The following XPR1 variants were observed in gnomAD, a reference collection of about 807,000 sequenced individuals.
XPR1 encodes the protein solute carrier family 53 member 1.
A neutral mutation model predicts 87.5 loss-of-function variants in XPR1; 28 were observed. The observed-to-expected ratio is 0.32, with a 90% confidence interval of 0.24 to 0.44. The LOEUF (loss-of-function observed/expected upper bound fraction) is 0.44. Among genes scored for constraint, XPR1 ranks in the 20% least tolerant of loss-of-function variants. The pLI, the probability that XPR1 is intolerant of heterozygous loss-of-function variation, is 1.00. For synonymous variants in XPR1, 300 were observed against 306.1 expected (o/e 0.98, Z 0.21); for missense variants, 559 against 862.3 (o/e 0.65, Z 4.41).
intron 9 of XPR1, among the ~76,000 whole-genome samples, chr1:180,829,285 C>T (rs1486147522): frequency 1.3e-5 from 2 of 152,066 alleles, no homozygotes; most frequent in Admixed American, 6.6e-5. Flanking sequence ...GGTAAAATAT[C>T]AGCTATCCAG....
chr1:180,886,812 G>C lies in XPR1; in HGVS notation c.*2746G>C, dbSNP rs74133647. 3.3e-5 allele frequency: 5 copies of C among 152,136 alleles called. No individual in the cohort carries two copies. The highest frequency in any genetic ancestry group is 1.2e-4 in the African/African-American group (5 of 41,424). The allele number at this position is 152,136 out of a possible 1,614,324, so 9.4% of individuals were successfully genotyped here. A position where few individuals can be genotyped will look rare whatever the true frequency, so the allele number is the denominator to read the frequency against. ...AAATTTTATATGCCCTAGCAGTTGC[G>C]AATGTTGTGTCCACCTTACAATTTG... On this transcript the variant is annotated 3_prime_UTR_variant, in exon 15 of 15. Transcript: ENST00000367590.
chr1:180,687,094 A>G (rs1224252947), intron 2 of XPR1, among the ~76,000 whole-genome samples: 2 of 152,174 alleles, frequency 1.3e-5, no homozygotes, highest in Non-Finnish European at 2.9e-5. Flanking sequence ...TATTTTTAAA[A>G]TATAAGAAAA....
chr1:180,884,374 A>T lies in XPR1; in HGVS notation c.*308A>T, dbSNP rs923763769. On this transcript the variant is annotated 3_prime_UTR_variant, in exon 15 of 15. Coordinates refer to ENST00000367590, the MANE Select transcript of XPR1 (RefSeq NM_004736.4). Reference sequence around the variant, plus strand: ...TACAATCACAAGGACATAGATACCTATCAGGATGAAGAACAGGCATTGCAA... The same window carrying T: ...TACAATCACAAGGACATAGATACCTTTCAGGATGAAGAACAGGCATTGCAA... 6.3e-5 allele frequency: 14 copies of T among 220,714 alleles called. No individual in the cohort carries two copies. The highest frequency in any genetic ancestry group is 1.2e-4 in the Admixed American group (2 of 17,384). The allele number at this position is 220,714 out of a possible 1,614,324, so 13.7% of individuals were successfully genotyped here. A position where few individuals can be genotyped will look rare whatever the true frequency, so the allele number is the denominator to read the frequency against.
At chr1:180,681,891 A>G (rs899058493) in intron 1 of XPR1, among the ~76,000 whole-genome samples, 11 of 152,210 alleles carry the variant, frequency 7.2e-5, no homozygotes, top group Non-Finnish European at 1.3e-4. Context: ...TTGCACAACA[A>G]TGTGAATGTA....
rs150244570 is a variant in XPR1, at chr1:180,785,880, A to G, written c.122-1873A>G. On this transcript the variant is annotated intron_variant, in intron 2 of 14. Transcript: ENST00000367590. ...CTCTTATTTTATATCAGCTATAGCT[A>G]GATGTTAGTTATTATAAGAGCTGCA... Among the ~76,000 whole-genome samples, 200 of 151,786 alleles carry G rather than the reference A, an allele frequency of 1.3e-3. 1 individual carries two copies. The highest frequency in any genetic ancestry group is 4.6e-3 in the African/African-American group (193 of 41,514).
intron 1 of XPR1, among the ~76,000 whole-genome samples, chr1:180,664,084 A>G (rs1655876225): frequency 6.6e-6 from 1 of 152,160 alleles, no homozygotes; most frequent in Admixed American, 6.5e-5. Context: ...CTAAGAGCCA[A>G]GACTTGGTAT....
intron 1 of XPR1, among the ~76,000 whole-genome samples, chr1:180,649,079 C>G (rs1204969283): frequency 6.6e-6 from 1 of 151,942 alleles, no homozygotes; most frequent in Admixed American, 6.6e-5. Flanking sequence ...AAACTAATCC[C>G]CAAGAGCATT....
rs779968076 is a variant in XPR1 at position 180,682,430 on chromosome 1, T to A, written c.121+19T>A. 1.3e-6 allele frequency: 2 copies of A among 1,589,102 alleles called. No individual in the cohort carries two copies. The highest frequency in any genetic ancestry group is 1.7e-6 in the Non-Finnish European group (2 of 1,167,118). ...GTGGAAGGTAAGATGAATTAACCCT[T>A]AAGTTTAGTCACAGAAAACCTCTTT... On this transcript the variant is annotated intron_variant, in intron 2 of 14. Transcript: ENST00000367590.
chr1:180,857,794 C>G (rs1412443356), intron 11 of XPR1, among the ~76,000 whole-genome samples: 1 of 152,062 alleles, frequency 6.6e-6, no homozygotes, highest in Non-Finnish European at 1.5e-5. Flanking sequence ...TACAAGCAAG[C>G]AGATGTTTTT....
chr1:180,680,614 C>T lies in XPR1; in HGVS notation c.70-1746C>T, dbSNP rs918141890. 3.9e-5 allele frequency among the ~76,000 whole-genome samples: 6 copies of T among 152,208 alleles called. No individual in the cohort carries two copies. The South Asian group carries it at 6.2e-4, about 16-fold the overall frequency. ...TTTTGACCTCGTGATCCGCTCTCCTCGGCCTCCCAAAGTGCTGGGATTGCA... is the reference window on the plus strand; with the variant it reads ...TTTTGACCTCGTGATCCGCTCTCCTTGGCCTCCCAAAGTGCTGGGATTGCA... On this transcript the variant is annotated intron_variant, in intron 1 of 14. Transcript: ENST00000367590.
chr1:180,826,303 T>C (rs1650833544), intron 9 of XPR1, among the ~76,000 whole-genome samples: 1 of 151,926 alleles, frequency 6.6e-6, no homozygotes, highest in Admixed American at 6.6e-5. Context: ...ATAATCCCAG[T>C]ATTCGGGAGG....
chr1:180,664,560 A>G (rs893341170), intron 1 of XPR1, among the ~76,000 whole-genome samples: 1 of 152,150 alleles, frequency 6.6e-6, no homozygotes, highest in Non-Finnish European at 1.5e-5. Flanking sequence ...CTCTTCACAC[A>G]GAAGGAAGGG....
intron 1 of XPR1, among the ~76,000 whole-genome samples, chr1:180,670,686 A>G (rs1410784959): frequency 6.6e-6 from 1 of 152,184 alleles, no homozygotes; most frequent in Non-Finnish European, 1.5e-5. Flanking sequence ...CCATATATTT[A>G]TCTTTATTGA....
At chr1:180,682,728 T>C (rs1656620189) in intron 2 of XPR1, among the ~76,000 whole-genome samples, 1 of 151,888 alleles carries the variant, frequency 6.6e-6, no homozygotes. Context: ...CCTTCCTCCG[T>C]CCATAAATTA....
chr1:180,703,545 C>G (rs1657437753), intron 2 of XPR1, among the ~76,000 whole-genome samples: 1 of 152,132 alleles, frequency 6.6e-6, no homozygotes, highest in African/African-American at 2.4e-5. Flanking sequence ...GTAGGCAGGG[C>G]AGATCAGTCC....
intron 2 of XPR1, among the ~76,000 whole-genome samples, chr1:180,718,485 T>C (rs1456524071): frequency 1.3e-5 from 2 of 152,150 alleles, no homozygotes; most frequent in Middle Eastern, 3.2e-3. Context: ...TTGAATGTTA[T>C]GTAGCTACCA....
chr1:180,694,866 A>AAT (rs1297415409), intron 2 of XPR1, among the ~76,000 whole-genome samples: 1 of 152,058 alleles, frequency 6.6e-6, no homozygotes, highest in Non-Finnish European at 1.5e-5. Flanking sequence ...ATAGTGCTGC[A>AAT]ATATGCATGT....
chr1:180,720,086 G>A (rs1378432856), intron 2 of XPR1, among the ~76,000 whole-genome samples: 1 of 152,002 alleles, frequency 6.6e-6, no homozygotes, highest in Non-Finnish European at 1.5e-5. Flanking sequence ...AAGTGGTTCT[G>A]ACAGAAAGAA....
chr1:180,882,970 G>T (rs79193189), intron 14 of XPR1, among the ~76,000 whole-genome samples: 5,152 of 148,730 alleles, frequency 0.035, 355 homozygotes, highest in African/African-American at 0.12. Context: ...GGGGTTGGTT[G>T]TTTTTTTTTG....
Sources: allele counts gnomAD v4.1 joint callset (sites outside exome capture counted in the v4.1 genomes callset), GRCh38; gene constraint gnomAD v4.1.1; transcripts MANE v1.5; gene names NCBI Gene and HGNC (gene_info 2026-07-23, HGNC 2026-07-21).